EPSTI1: variants seen among roughly 807,000 people sequenced by gnomAD.
EPSTI1 encodes the protein epithelial-stromal interaction protein 1.
Under a neutral mutation model 49.9 loss-of-function variants are expected in EPSTI1, and 66 were observed. That is an observed-to-expected ratio of 1.32 (90% CI 1.08 to 1.62). The LOEUF (loss-of-function observed/expected upper bound fraction) is 1.62. Among genes scored for constraint, EPSTI1 ranks in the 40% most tolerant of loss-of-function variants. The probability of loss-of-function intolerance (pLI) is 0.00; values close to 1 mark genes in which losing one functional copy is unlikely to be tolerated. For synonymous variants in EPSTI1, 137 were observed against 130.7 expected, an observed-to-expected ratio of 1.05 and a Z score of -0.33; for missense variants, 394 against 365.5, an observed-to-expected ratio of 1.08 and a Z score of -0.64.
chr13:42,936,079 GAGA>G (rs1183899131), intron 6 of EPSTI1, among the ~76,000 whole-genome samples: 1 of 151,992 alleles, frequency 6.6e-6, no homozygotes, highest in Non-Finnish European at 1.5e-5. Context: ...ATTATAAAAG[GAGA>G]AGTACTCTCC....
chr13:42,942,845 C>T lies in EPSTI1; in HGVS notation c.563+11103G>A, dbSNP rs570986713. Among the ~76,000 whole-genome samples the T allele has an allele frequency of 9.5e-3, 1,439 of 151,596 alleles. 12 individuals are homozygous for T. Among genetic ancestry groups the T allele is most frequent in the Non-Finnish European group, 0.013 (905 of 67,868 alleles). On this transcript the variant is annotated intron_variant, in intron 6 of 10. Transcript: ENST00000313624. Reference sequence around the variant, plus strand: ...CTGGGACTACAGGCGCCCGCCACCGCGCCCGGCTAATTTTTTGTATTTTTA... The same window carrying T: ...CTGGGACTACAGGCGCCCGCCACCGTGCCCGGCTAATTTTTTGTATTTTTA...
chr13:42,963,223 A>G (rs2039509222), intron 5 of EPSTI1, 32 bp downstream of exon 5: 2 of 1,543,748 alleles, frequency 1.3e-6, no homozygotes, highest in African/African-American at 1.4e-5. Flanking sequence ...ATTGTTGATC[A>G]GCAAATGTGA....
chr13:42,992,177 C>G lies in EPSTI1; in HGVS notation c.-12G>C, dbSNP rs572030308. ...TTGCGGGTGTTCATGGTTCACAGCC[C>G]GCGGGTCCCGGGCCGCCGTCGCTGC... is the stretch of plus-strand genomic sequence containing the variant. On this transcript the variant is annotated 5_prime_UTR_variant, in exon 1 of 11. Transcript: ENST00000313624. 2.0e-6 allele frequency: 3 copies of G among 1,535,164 alleles called. No homozygotes were observed. In the East Asian group the frequency reaches 6.9e-5, roughly 35 times the overall value.
chr13:42,936,300 T>A (rs1262627825), intron 6 of EPSTI1, among the ~76,000 whole-genome samples: 2 of 152,176 alleles, frequency 1.3e-5, no homozygotes, highest in East Asian at 3.8e-4. Flanking sequence ...CATTTCATTG[T>A]TCTCATTTTC....
At chr13:42,967,289 T>TAAAAAAAAAA (rs747737457) in intron 3 of EPSTI1, among the ~76,000 whole-genome samples, 1 of 28,542 alleles carries the variant, frequency 3.5e-5, no homozygotes, top group Non-Finnish European at 7.7e-5. Context: ...AAAAATAAAT[T>TAAAAAAAAAA]AAAAAAAAAA....
chr13:42,970,671 C>G lies in EPSTI1; in HGVS notation c.189-1G>C. The G allele has an allele frequency of 6.3e-7, 1 of 1,591,294 alleles. No individual in the cohort carries two copies. Reference sequence around the variant, plus strand: ...TGCTATCAAGGTGTATGCACTTGTGCTAAAAGGAAGAGAAAAAAAAATGCT... The same window carrying G: ...TGCTATCAAGGTGTATGCACTTGTGGTAAAAGGAAGAGAAAAAAAAATGCT... On this transcript the variant is annotated splice_acceptor_variant, in intron 1 of 10. Transcript: ENST00000313624. LOFTEE classifies it high-confidence loss of function.
rs151034400 is a variant in EPSTI1, at chr13:42,895,083, G to A, written c.841C>T (p.Leu281Phe). Residue 281 changes from leucine (L) to phenylalanine (F), a missense_variant, in exon 10 of 11, where the codon CTC becomes TTC. Leu to Phe is a conservative substitution (Grantham distance 22). Coordinates refer to ENST00000313624, the MANE Select transcript of EPSTI1 (RefSeq NM_033255.5). ...RRVNNAFLDR[L>F]QGKSQPGGLE... ...CCACCTGGTTGACTTTTGCCTTGGA[G>A]TCGGTCCAGAAAAGCATTATTTACC... 2.4e-5 allele frequency: 39 copies of A among 1,613,136 alleles called. No homozygotes were observed. In the African/African-American group the frequency reaches 4.8e-4, roughly 20 times the overall value.
intron 6 of EPSTI1, among the ~76,000 whole-genome samples, chr13:42,944,461 T>G (rs556920072): frequency 6.6e-6 from 1 of 151,230 alleles, no homozygotes; most frequent in Non-Finnish European, 1.5e-5. Context: ...TAAGTGGGAG[T>G]TGAACAACGA....
intron 6 of EPSTI1, among the ~76,000 whole-genome samples, chr13:42,933,673 CA>C (rs1485128721): frequency 3.3e-5 from 5 of 152,198 alleles, no homozygotes; most frequent in African/African-American, 1.2e-4. Context: ...GGCAGTTGGT[CA>C]AAGCTGGTGC....
At position 42,888,077 on chromosome 13, in the gene EPSTI1, G is replaced by T; in HGVS notation, c.*417C>A. Reference sequence around the variant, plus strand: ...CATATTTGTACCATAAAGAAAGTAGGGATTAAAATCTAAAAAGACCCCCAA... The same window carrying T: ...CATATTTGTACCATAAAGAAAGTAGTGATTAAAATCTAAAAAGACCCCCAA... On this transcript the variant is annotated 3_prime_UTR_variant, in exon 11 of 11. Transcript: ENST00000313624. 1.7e-6 allele frequency: 1 copy of T among 599,046 alleles called. No individual in the cohort carries two copies. The highest frequency in any genetic ancestry group is 2.8e-6 in the Non-Finnish European group (1 of 357,764). 37.1% of individuals were successfully genotyped at this position (599,046 alleles called of 1,614,324 possible).
intron 6 of EPSTI1, among the ~76,000 whole-genome samples, chr13:42,947,753 C>T (rs2038962367): frequency 6.6e-6 from 1 of 152,206 alleles, no homozygotes. Context: ...GTACATTTTT[C>T]CAAAGACCAG....
At chr13:42,889,385 TG>T in intron 10 of EPSTI1, 2 of 541,914 alleles carry the variant, frequency 3.7e-6, no homozygotes, top group Non-Finnish European at 3.1e-6. Context: ...ACACACTTAT[TG>T]GGGGCCTACT....
intron 1 of EPSTI1, among the ~76,000 whole-genome samples, chr13:42,975,963 C>G (rs1197492954): frequency 6.6e-6 from 1 of 152,174 alleles, no homozygotes; most frequent in Non-Finnish European, 1.5e-5. Flanking sequence ...GGTATACTTA[C>G]AAAATGTCTT....
intron 10 of EPSTI1, among the ~76,000 whole-genome samples, chr13:42,892,564 G>A (rs1166419197): frequency 6.6e-6 from 1 of 152,144 alleles, no homozygotes; most frequent in African/African-American, 2.4e-5. Flanking sequence ...GGGGATCAAA[G>A]GTTAGGTTTT....
intron 6 of EPSTI1, among the ~76,000 whole-genome samples, chr13:42,935,331 G>T (rs988279740): frequency 6.6e-6 from 1 of 152,132 alleles, no homozygotes; most frequent in Non-Finnish European, 1.5e-5. Context: ...CCTTACAAAT[G>T]CCTTTCTTCC....
At chr13:42,963,511 T>C (rs1384697450) in intron 4 of EPSTI1, 173 bp from the exon 5 acceptor site, 1 of 591,042 alleles carries the variant, frequency 1.7e-6, no homozygotes, top group Non-Finnish European at 3.0e-6. Context: ...CCGGGCTACG[T>C]CTTCTGCCCG....
intron 1 of EPSTI1, among the ~76,000 whole-genome samples, chr13:42,981,123 T>TG (rs1314694316): frequency 6.6e-6 from 1 of 151,612 alleles, no homozygotes; most frequent in Non-Finnish European, 1.5e-5. Context: ...TTGCAGGGGG[T>TG]GGGGGACAGG....
intron 5 of EPSTI1, among the ~76,000 whole-genome samples, chr13:42,957,609 T>TCTCC (rs1469206650): frequency 1.3e-5 from 2 of 152,266 alleles, no homozygotes; most frequent in African/African-American, 4.8e-5. Context: ...AAGGTCTTGC[T>TCTCC]CTGTCACCCA....
At chr13:42,928,423 C>A (rs1476770408) in intron 6 of EPSTI1, among the ~76,000 whole-genome samples, 3 of 152,042 alleles carry the variant, frequency 2.0e-5, no homozygotes, top group African/African-American at 4.8e-5. Flanking sequence ...GACTAAGAAC[C>A]CTGGACTCTA....
Sources: gnomAD v4.1 joint callset for allele counts (sites outside exome capture counted in the v4.1 genomes callset) on GRCh38, gnomAD v4.1.1 for gene constraint, MANE v1.5 for transcripts, NCBI Gene and HGNC (gene_info 2026-07-23, HGNC 2026-07-21) for gene names.